Variants in FAM13A observed in about 807,000 individuals in gnomAD.
FAM13A encodes protein FAM13A.
In FAM13A, 76 loss-of-function variants were observed where a neutral mutation model predicts 129.6. The ratio of observed to expected loss-of-function variants is 0.59; its 90% CI spans 0.49 to 0.71. FAM13A has a LOEUF of 0.71. FAM13A is among the 30% of genes least tolerant of loss of function. The probability of loss-of-function intolerance (pLI) is 0.00; values close to 1 mark genes in which losing one functional copy is unlikely to be tolerated. For missense variants in FAM13A, 1,108 were observed against 1,249.3 expected (o/e 0.89, Z 1.70); for synonymous variants, 443 against 449.9 (o/e 0.98, Z 0.20).
chr4:88,747,155 A>T, intron 18 of FAM13A, 140 bp from the exon 19 acceptor site: 1 of 626,246 alleles, frequency 1.6e-6, no homozygotes, highest in South Asian at 2.0e-5. Flanking sequence ...AAGTTCATTT[A>T]AAAATGGGTT....
chr4:89,008,421 T>C lies in FAM13A; in HGVS notation c.427+12039A>G, dbSNP rs150634310. 8.7e-4 allele frequency among the ~76,000 whole-genome samples: 133 copies of C among 152,264 alleles called. 2 individuals carry two copies. Among genetic ancestry groups the C allele is most frequent in the African/African-American group, 3.0e-3 (123 of 41,546 alleles). On this transcript the variant is annotated intron_variant, in intron 3 of 23. Coordinates refer to ENST00000264344, the MANE Select transcript of FAM13A (RefSeq NM_014883.4). The stretch of plus-strand genomic sequence containing the variant: ...GTGAGGACACAGCAAGAAAGTGACA[T>C]CTGCAAGGAAAGAAAAGAGCCCTCA...
chr4:88,756,515 A>G (rs1404585269), intron 14 of FAM13A, among the ~76,000 whole-genome samples: 3 of 152,136 alleles, frequency 2.0e-5, no homozygotes, highest in Non-Finnish European at 4.4e-5. Flanking sequence ...GATGGGAAGG[A>G]GCAACCAAAC....
intron 4 of FAM13A, among the ~76,000 whole-genome samples, chr4:88,942,319 C>T (rs1302938455): frequency 6.6e-6 from 1 of 152,064 alleles, no homozygotes; most frequent in Non-Finnish European, 1.5e-5. Flanking sequence ...ATAATCTCAG[C>T]ACTTTGGGAG....
chr4:88,903,889 C>G (rs1183103524), intron 6 of FAM13A, among the ~76,000 whole-genome samples: 1 of 152,054 alleles, frequency 6.6e-6, no homozygotes, highest in East Asian at 1.9e-4. Context: ...TGACAAAGGT[C>G]TAACATCAAG....
At chr4:88,837,718 CAA>C (rs34184242) in intron 7 of FAM13A, among the ~76,000 whole-genome samples, 981 of 71,566 alleles carry the variant, frequency 0.014, 5 homozygotes, top group African/African-American at 0.046. Context: ...AACTCCGTCT[CAA>C]AAAAAAAAAA....
In FAM13A at chr4:88,761,419, C is replaced by T. The variant is rs551110693; in HGVS notation, c.1579-2518G>A. On this transcript the variant is annotated intron_variant, in intron 13 of 23. Transcript: ENST00000264344. ...GTATACTACAACAAAGGCTGGAAGACAATGTTAAATGCATTATGAAAAAAT... is the reference window on the plus strand; with the variant it reads ...GTATACTACAACAAAGGCTGGAAGATAATGTTAAATGCATTATGAAAAAAT... 4.6e-5 allele frequency among the ~76,000 whole-genome samples: 7 copies of T among 152,112 alleles called. No individual in the cohort carries two copies. The East Asian group carries it at 1.4e-3, about 29-fold the overall frequency.
chr4:89,028,921 G>T (rs1258460627), intron 2 of FAM13A, among the ~76,000 whole-genome samples: 33 of 151,110 alleles, frequency 2.2e-4, no homozygotes, highest in Non-Finnish European at 1.5e-5. Flanking sequence ...ACTGTATAAT[G>T]TACTATATTA....
chr4:88,732,447 T>C, intron 21 of FAM13A: 1 of 337,092 alleles, frequency 3.0e-6, no homozygotes, highest in Non-Finnish European at 5.3e-6. Context: ...TTAAAATGAG[T>C]GTACATCATG....
chr4:88,849,034 T>C (rs934528179), intron 7 of FAM13A, among the ~76,000 whole-genome samples: 1 of 152,202 alleles, frequency 6.6e-6, no homozygotes. Context: ...TGTATTTGAA[T>C]TGTATTTTAT....
chr4:88,786,946 T>C (rs1228894758), intron 10 of FAM13A, among the ~76,000 whole-genome samples: 2 of 152,146 alleles, frequency 1.3e-5, no homozygotes, highest in East Asian at 1.9e-4. Context: ...GGTTAGTTTC[T>C]GACATTTAAT....
At chr4:89,047,903 T>C (rs1771075410) in intron 1 of FAM13A, among the ~76,000 whole-genome samples, 1 of 152,208 alleles carries the variant, frequency 6.6e-6, no homozygotes, top group Non-Finnish European at 1.5e-5. Context: ...TATGAAAATA[T>C]GCCCAATATC....
chr4:88,776,501 T>C (rs1410142917), intron 11 of FAM13A, among the ~76,000 whole-genome samples: 2 of 152,214 alleles, frequency 1.3e-5, no homozygotes, highest in Non-Finnish European at 2.9e-5. Context: ...TTCTATTTTA[T>C]TATATAATCT....
intron 9 of FAM13A, among the ~76,000 whole-genome samples, chr4:88,790,129 C>T (rs1724827720): frequency 6.6e-6 from 1 of 152,134 alleles, no homozygotes; most frequent in Non-Finnish European, 1.5e-5. Flanking sequence ...TCCCTGAAGA[C>T]AGGGCCCAAG....
chr4:88,821,518 A>G, intron 7 of FAM13A, among the ~76,000 whole-genome samples: 1 of 152,348 alleles, frequency 6.6e-6, no homozygotes, highest in South Asian at 2.1e-4. Flanking sequence ...TTTTAACAGT[A>G]TAAAGATCTA....
intron 1 of FAM13A, among the ~76,000 whole-genome samples, chr4:89,050,866 T>G (rs1771501525): frequency 6.6e-6 from 1 of 151,984 alleles, no homozygotes; most frequent in Admixed American, 6.6e-5. Context: ...AGGCGGAGGT[T>G]AGAGTGAGCT....
At chr4:88,893,679 G>C (rs1217076286) in intron 6 of FAM13A, among the ~76,000 whole-genome samples, 1 of 140,336 alleles carries the variant, frequency 7.1e-6, no homozygotes, top group African/African-American at 2.6e-5. Context: ...TAAGCCGGGC[G>C]TGGTGGCGGG....
At chr4:88,972,999 T>G (rs934857103) in intron 4 of FAM13A, among the ~76,000 whole-genome samples, 1 of 152,208 alleles carries the variant, frequency 6.6e-6, no homozygotes, top group Non-Finnish European at 1.5e-5. Context: ...ACACTCTTCT[T>G]GCATGCATTG....
chr4:89,055,360 T>G (rs1772092761), intron 1 of FAM13A, among the ~76,000 whole-genome samples: 1 of 152,140 alleles, frequency 6.6e-6, no homozygotes, highest in South Asian at 2.1e-4. Flanking sequence ...AGGGTAGAAA[T>G]GATTGAGAAT....
chr4:88,860,869 G>A (rs1301768975), intron 6 of FAM13A, among the ~76,000 whole-genome samples: 1 of 152,192 alleles, frequency 6.6e-6, no homozygotes, highest in African/African-American at 2.4e-5. Context: ...GCCACTCATT[G>A]TGACAAGGCC....
Sources: gnomAD v4.1 joint callset for allele counts (sites outside exome capture counted in the v4.1 genomes callset) on GRCh38, gnomAD v4.1.1 for gene constraint, MANE v1.5 for transcripts, NCBI Gene and HGNC (gene_info 2026-07-23, HGNC 2026-07-21) for gene names.